The following FAF1 variants were observed in gnomAD, a reference collection of about 807,000 sequenced individuals.
The protein encoded by FAF1 is Fas associated factor 1.
A neutral mutation model predicts 92.5 loss-of-function variants in FAF1; 25 were observed. That is an observed-to-expected ratio of 0.27 (90% CI 0.20 to 0.38). The LOEUF (loss-of-function observed/expected upper bound fraction) is 0.38. Among genes scored for constraint, FAF1 ranks in the 10% least tolerant of loss-of-function variants. FAF1 has a pLI of 1.00. For synonymous variants in FAF1, 234 were observed against 273.2 expected (o/e 0.86, Z 1.42); for missense variants, 636 against 793.3 (o/e 0.80, Z 2.38).
rs184713112 is a variant in FAF1, at chr1:50,690,556, G to A, written c.657+15230C>T. On this transcript the variant is annotated intron_variant, in intron 7 of 18. Transcript: ENST00000396153. Reference sequence around the variant, plus strand: ...GCGGAGGTTGCAGTGAGCTGAGATCGTGCCACTGCACTCCAGCCTGGGTGA... The same window carrying A: ...GCGGAGGTTGCAGTGAGCTGAGATCATGCCACTGCACTCCAGCCTGGGTGA... Among the ~76,000 whole-genome samples the A allele has an allele frequency of 2.2e-4, 33 of 152,200 alleles. 1 individual carries two copies. The East Asian group carries it at 6.2e-3, about 29-fold the overall frequency.
At chr1:50,587,078 G>A (rs928058205) in intron 9 of FAF1, among the ~76,000 whole-genome samples, 2 of 151,912 alleles carry the variant, frequency 1.3e-5, no homozygotes, top group African/African-American at 4.8e-5. Context: ...GGAGACACAG[G>A]GGAGAAAAAA....
intron 13 of FAF1, among the ~76,000 whole-genome samples, chr1:50,564,281 ACTCT>A (rs1166111768): frequency 6.6e-6 from 1 of 152,062 alleles, no homozygotes; most frequent in East Asian, 1.9e-4. Flanking sequence ...CAGGTCCAGG[ACTCT>A]CTAAATTTTT....
chr1:50,846,279 A>C (rs1379196271), intron 2 of FAF1, among the ~76,000 whole-genome samples: 2 of 151,774 alleles, frequency 1.3e-5, no homozygotes, highest in Non-Finnish European at 1.5e-5. Flanking sequence ...GTACATTTGC[A>C]AGTGACAAGC....
chr1:50,530,177 CAG>C (rs1432036280), intron 15 of FAF1, among the ~76,000 whole-genome samples: 4 of 151,494 alleles, frequency 2.6e-5, no homozygotes, highest in African/African-American at 9.7e-5. Context: ...ACAGCTATCT[CAG>C]GGAAAATTCT....
intron 1 of FAF1, among the ~76,000 whole-genome samples, chr1:50,891,600 T>A (rs1163373034): frequency 6.6e-6 from 1 of 152,214 alleles, no homozygotes; most frequent in Non-Finnish European, 1.5e-5. Flanking sequence ...GCTGCAGGTC[T>A]GTTGGTGTTT....
At chr1:50,762,959 A>G (rs573753770) in intron 4 of FAF1, among the ~76,000 whole-genome samples, 1 of 152,172 alleles carries the variant, frequency 6.6e-6, no homozygotes, top group South Asian at 2.1e-4. Context: ...TCTCTCTTTT[A>G]AAATATAGAA....
chr1:50,661,821 T>C (rs941158109), intron 7 of FAF1, among the ~76,000 whole-genome samples: 1 of 152,188 alleles, frequency 6.6e-6, no homozygotes, highest in African/African-American at 2.4e-5. Flanking sequence ...TGATTCAGAA[T>C]GCGTTCTGAA....
chr1:50,700,351 C>A (rs1657415167), intron 7 of FAF1, among the ~76,000 whole-genome samples: 1 of 152,044 alleles, frequency 6.6e-6, no homozygotes, highest in Non-Finnish European at 1.5e-5. Flanking sequence ...TGGAGTCGAA[C>A]GCAGCCCCCG....
intron 7 of FAF1, among the ~76,000 whole-genome samples, chr1:50,696,656 A>AT (rs201969293): frequency 2.0e-5 from 3 of 152,150 alleles, no homozygotes; most frequent in South Asian, 2.1e-4. Flanking sequence ...CTGTACTGGC[A>AT]TTTTTTTTAA....
chr1:50,791,084 T>C (rs1488109892), intron 3 of FAF1, among the ~76,000 whole-genome samples: 2 of 152,178 alleles, frequency 1.3e-5, no homozygotes, highest in Non-Finnish European at 2.9e-5. Flanking sequence ...ACTCCAGTAA[T>C]CACTGATCCA....
chr1:50,888,573 T>G (rs1644689925), intron 1 of FAF1, among the ~76,000 whole-genome samples: 1 of 152,202 alleles, frequency 6.6e-6, no homozygotes, highest in South Asian at 2.1e-4. Context: ...TTATTGAGAC[T>G]TTTTAGCATG....
chr1:50,933,612 C>A (rs1645064684), intron 1 of FAF1, among the ~76,000 whole-genome samples: 1 of 152,228 alleles, frequency 6.6e-6, no homozygotes, highest in East Asian at 1.9e-4. Flanking sequence ...CAAACTGTTT[C>A]AACCTCTGCC....
chr1:50,509,654 T>C (rs1007008552), intron 15 of FAF1, among the ~76,000 whole-genome samples: 2 of 152,000 alleles, frequency 1.3e-5, no homozygotes, highest in African/African-American at 4.8e-5. Flanking sequence ...CCTGGTAATA[T>C]GGGCTTCCTG....
chr1:50,949,363 G>A (rs1227221052), intron 1 of FAF1, among the ~76,000 whole-genome samples: 3 of 152,298 alleles, frequency 2.0e-5, no homozygotes, highest in East Asian at 1.9e-4. Flanking sequence ...CTTTACTATC[G>A]GGCGATGCCT....
At chr1:50,637,706 T>TGTGTGTGTGTGTGTGTGTGC (rs1186385884) in intron 8 of FAF1, among the ~76,000 whole-genome samples, 1 of 150,332 alleles carries the variant, frequency 6.7e-6, no homozygotes, top group African/African-American at 2.5e-5. Context: ...TGTGTGTGTG[T>TGTGTGTGTGTGTGTGTGTGC]GTGTGTGCGT....
chr1:50,775,996 C>G (rs115694526), intron 4 of FAF1, among the ~76,000 whole-genome samples: 1,976 of 152,138 alleles, frequency 0.013, 42 homozygotes, highest in African/African-American at 0.044. Flanking sequence ...AAAACTGGAA[C>G]AGCTAGAAGA....
chr1:50,876,730 A>G (rs2124685276), intron 1 of FAF1, among the ~76,000 whole-genome samples: 1 of 152,034 alleles, frequency 6.6e-6, no homozygotes, highest in African/African-American at 2.4e-5. Context: ...GGATTACAGG[A>G]GCACCACCAC....
At chr1:50,642,404 A>G (rs1486959117) in intron 8 of FAF1, among the ~76,000 whole-genome samples, 6 of 151,848 alleles carry the variant, frequency 4.0e-5, no homozygotes, top group African/African-American at 1.2e-4. Context: ...TAATCCCAGC[A>G]CTTTGGGAGG....
At chr1:50,689,719 G>A (rs1187159210) in intron 7 of FAF1, among the ~76,000 whole-genome samples, 1 of 152,236 alleles carries the variant, frequency 6.6e-6, no homozygotes, top group Non-Finnish European at 1.5e-5. Context: ...GAACAAAAAT[G>A]TGGTATGCCC....
Sources: gnomAD v4.1 joint callset for allele counts (sites outside exome capture counted in the v4.1 genomes callset) on GRCh38, gnomAD v4.1.1 for gene constraint, MANE v1.5 for transcripts, NCBI Gene and HGNC (gene_info 2026-07-23, HGNC 2026-07-21) for gene names.